Variants in PXDNL observed in about 807,000 individuals in gnomAD.
PXDNL encodes the protein probable oxidoreductase PXDNL.
In PXDNL, 145 loss-of-function variants were observed where a neutral mutation model predicts 150.8. The observed-to-expected ratio is 0.96, with a 90% CI of 0.84 to 1.10. PXDNL has a LOEUF of 1.10. PXDNL is among the 50% of genes least tolerant of loss of function. The pLI, the probability that PXDNL is intolerant of heterozygous loss-of-function variation, is 0.00. For synonymous variants in PXDNL, 757 were observed against 725.7 expected, an observed-to-expected ratio of 1.04 and a Z score of -0.69; for missense variants, 2,087 against 1,873.9, an observed-to-expected ratio of 1.11 and a Z score of -2.10.
At position 51,522,718 on chromosome 8, in the gene PXDNL, C is replaced by T. The variant is rs896116653; in HGVS notation, c.381-22948G>A. ...AATTACCTGGGCATTGTGGTGCATG[C>T]CTGTAATCCCAGCTACTAGGGAGGC... On this transcript the variant is annotated intron_variant, in intron 4 of 22. Transcript: ENST00000356297. Among the ~76,000 whole-genome samples the T allele has an allele frequency of 3.3e-5, 5 of 152,182 alleles. No homozygotes were observed. The East Asian group carries it at 7.7e-4, about 24-fold the overall frequency.
At chr8:51,366,974 A>G (rs28691716) in intron 19 of PXDNL, among the ~76,000 whole-genome samples, 1,895 of 151,696 alleles carry the variant, frequency 0.012, 35 homozygotes, top group African/African-American at 0.044. Flanking sequence ...GGTGGTGGGC[A>G]CCTGTAGTCC....
At chr8:51,479,502 T>C (rs771625132) in intron 6 of PXDNL, among the ~76,000 whole-genome samples, 2 of 152,252 alleles carry the variant, frequency 1.3e-5, no homozygotes, top group Non-Finnish European at 2.9e-5. Context: ...AATGGATGTG[T>C]TATTCCAAAT....
At chr8:51,796,823 A>G (rs1477458477) in intron 1 of PXDNL, among the ~76,000 whole-genome samples, 1 of 152,226 alleles carries the variant, frequency 6.6e-6, no homozygotes, top group African/African-American at 2.4e-5. Context: ...AACTCATTTT[A>G]TGAAGCCAGA....
chr8:51,665,791 C>G (rs540276100), intron 1 of PXDNL, among the ~76,000 whole-genome samples: 3 of 152,172 alleles, frequency 2.0e-5, no homozygotes, highest in Non-Finnish European at 4.4e-5. Context: ...CTGTGCAGAT[C>G]TGCCTGAGTG....
At chr8:51,452,955 C>CACACACACACACACACAT (rs1394344171) in intron 10 of PXDNL, among the ~76,000 whole-genome samples, 2 of 152,000 alleles carry the variant, frequency 1.3e-5, no homozygotes, top group Admixed American at 1.3e-4. Flanking sequence ...CACACACACA[C>CACACACACACACACACAT]ATGCACGCAC....
chr8:51,359,599 G>A (rs1190161927), intron 19 of PXDNL, among the ~76,000 whole-genome samples: 1 of 152,136 alleles, frequency 6.6e-6, no homozygotes, highest in Admixed American at 6.5e-5. Flanking sequence ...GATATATACA[G>A]TAAATAAGGA....
At chr8:51,807,268 G>A (rs527530368) in intron 1 of PXDNL, among the ~76,000 whole-genome samples, 1 of 152,174 alleles carries the variant, frequency 6.6e-6, no homozygotes, top group African/African-American at 2.4e-5. Context: ...AGAAGGCAAA[G>A]GGGGAGTGAG....
intron 1 of PXDNL, among the ~76,000 whole-genome samples, chr8:51,749,631 C>T (rs2130972958): frequency 6.6e-6 from 1 of 152,306 alleles, no homozygotes; most frequent in Admixed American, 6.5e-5. Flanking sequence ...AATGTGAAGG[C>T]CTAGGACATT....
intron 3 of PXDNL, among the ~76,000 whole-genome samples, chr8:51,563,631 A>G (rs1014359771): frequency 2.0e-5 from 3 of 151,986 alleles, no homozygotes; most frequent in African/African-American, 4.8e-5. Flanking sequence ...TTGGGCCAAG[A>G]TGTTTTCTGC....
chr8:51,438,928 A>T (rs561725024), intron 12 of PXDNL, among the ~76,000 whole-genome samples: 7 of 152,362 alleles, frequency 4.6e-5, no homozygotes, highest in African/African-American at 1.7e-4. Context: ...TCAACACGAG[A>T]TTGATCAAGG....
rs182241729 is a variant in PXDNL at position 51,621,276 on chromosome 8, C to A, written c.237-28578G>T. 3.3e-5 allele frequency among the ~76,000 whole-genome samples: 5 copies of A among 152,228 alleles called. No individual in the cohort carries two copies. The East Asian group carries it at 9.6e-4, about 29-fold the overall frequency. On this transcript the variant is annotated intron_variant, in intron 2 of 22. Coordinates refer to ENST00000356297, the MANE Select transcript of PXDNL (RefSeq NM_144651.5). ...TGGTTGATTGCTAAATAGTAATACA[C>A]AAACATGTATTCTGTATAATATAAA...
chr8:51,435,495 ATT>A (rs61492441), intron 12 of PXDNL: 155,722 of 160,788 alleles, frequency 0.97, 75,642 homozygotes, highest in Non-Finnish European at 1. Flanking sequence ...ACAAGTTAAA[ATT>A]TTTAAAAAAA....
intron 2 of PXDNL, among the ~76,000 whole-genome samples, chr8:51,598,310 C>T (rs1813618990): frequency 6.6e-6 from 1 of 151,812 alleles, no homozygotes; most frequent in African/African-American, 2.4e-5. Flanking sequence ...TGTCTTATTC[C>T]AGTTCTCAAA....
intron 1 of PXDNL, among the ~76,000 whole-genome samples, chr8:51,801,977 G>T (rs1333629169): frequency 1.3e-4 from 20 of 152,096 alleles, no homozygotes; most frequent in Non-Finnish European, 1.5e-5. Flanking sequence ...ATGAGTACAT[G>T]AATCTTAAGA....
At chr8:51,719,986 G>A (rs924385384) in intron 1 of PXDNL, among the ~76,000 whole-genome samples, 2 of 152,124 alleles carry the variant, frequency 1.3e-5, no homozygotes, top group Admixed American at 1.3e-4. Context: ...AAGGAACTGA[G>A]TCATGATGTG....
At chr8:51,798,846 G>C (rs1343905692) in intron 1 of PXDNL, among the ~76,000 whole-genome samples, 2 of 151,814 alleles carry the variant, frequency 1.3e-5, no homozygotes, top group African/African-American at 4.8e-5. Context: ...ATACCCAAAG[G>C]AATATAAATC....
chr8:51,391,644 T>G (rs1291739816), intron 17 of PXDNL, among the ~76,000 whole-genome samples: 17 of 152,362 alleles, frequency 1.1e-4, no homozygotes, highest in Non-Finnish European at 4.4e-5. Context: ...ATTGGCCCTC[T>G]GTCAGATGAG....
chr8:51,409,329 G>A lies in PXDNL; in HGVS notation c.2295C>T (p.Arg765=), dbSNP rs2130890714. The stretch of plus-strand genomic sequence containing the variant: ...GGGAGCCCACAGGAAGGCCGAGCCC[G>A]CGGGGCGCGCGGATGCCGTCCCGGT... ...PAYRDGIRAP[R]GLGLPVGSRQ... The change falls in exon 17 of 23, where the codon CGC becomes CGT. Residue 765 remains arginine, a synonymous_variant. Transcript: ENST00000356297. 2 of 1,443,916 alleles carry A rather than the reference G, an allele frequency of 1.4e-6. No homozygotes were observed. Among genetic ancestry groups the A allele is most frequent in the African/African-American group, 1.5e-5 (1 of 67,616 alleles). The allele number at this position is 1,443,916 out of a possible 1,614,324, so 89.4% of individuals were successfully genotyped here.
chr8:51,675,460 A>G (rs1217579273), intron 1 of PXDNL, among the ~76,000 whole-genome samples: 1 of 152,078 alleles, frequency 6.6e-6, no homozygotes, highest in African/African-American at 2.4e-5. Flanking sequence ...TTGATCTCAG[A>G]CTTCCAGAAC....
Sources: gnomAD v4.1 joint callset for allele counts (sites outside exome capture counted in the v4.1 genomes callset) on GRCh38, gnomAD v4.1.1 for gene constraint, MANE v1.5 for transcripts, NCBI Gene and HGNC (gene_info 2026-07-23, HGNC 2026-07-21) for gene names.